The following ADGRG1 variants were observed in gnomAD, a reference collection of about 807,000 sequenced individuals.
ADGRG1 encodes the protein 7-transmembrane protein with no EGF-like N-terminal domains-1.
In ADGRG1, 53 loss-of-function variants were observed where a neutral mutation model predicts 73.5. That is an observed-to-expected ratio of 0.72 (90% CI 0.58 to 0.91). The LOEUF is 0.91. Ranked by LOEUF, ADGRG1 falls within the 40% of genes least tolerant of loss-of-function variation. The pLI is 0.00. For missense variants in ADGRG1, 795 were observed against 871.8 expected (o/e 0.91, Z 1.11); for synonymous variants, 394 against 374.4 (o/e 1.05, Z -0.60).
chr16:57,654,299 C>T (rs538821875), intron 5 of ADGRG1, among the ~76,000 whole-genome samples, 166 bp downstream of exon 5: 5 of 152,164 alleles, frequency 3.3e-5, no homozygotes, highest in South Asian at 2.1e-4. Flanking sequence ...GTAGTTCAAC[C>T]GTGGGATTGA....
At chr16:57,635,126 C>A in intron 1 of ADGRG1, 3 of 985,186 alleles carry the variant, frequency 3.0e-6, no homozygotes, top group Non-Finnish European at 3.6e-6. Flanking sequence ...ATCTTCAGGA[C>A]CCCTTGCTCT....
At chr16:57,630,204 G>GC (rs2037384641) in intron 1 of ADGRG1, 1 of 393,098 alleles carries the variant, frequency 2.5e-6, no homozygotes, top group African/African-American at 2.2e-5. Context: ...GCCCCGGGCA[G>GC]CCTGTTGGCT....
chr16:57,622,985 T>C (rs776612315), upstream of ADGRG1: 142 of 985,310 alleles, frequency 1.4e-4, no homozygotes, highest in Middle Eastern at 1.5e-3. Flanking sequence ...CAAGGCCATT[T>C]CTTGTTGGCA....
At chr16:57,623,846 A>T (rs895523589), upstream of ADGRG1, 2 of 984,564 alleles carry the variant, frequency 2.0e-6, no homozygotes, top group African/African-American at 3.5e-5. Context: ...GATAGCAGGG[A>T]GGTGGCTGGG....
intron 1 of ADGRG1, chr16:57,640,767 C>T: frequency 2.3e-6 from 1 of 436,024 alleles, no homozygotes; most frequent in Middle Eastern, 1.1e-3. Context: ...GATCCAGGAC[C>T]TCGAGGAGGG....
chr16:57,634,409 C>T (rs555438129), intron 1 of ADGRG1: 16 of 985,324 alleles, frequency 1.6e-5, no homozygotes, highest in East Asian at 1.1e-4. Flanking sequence ...CATCTGGGCA[C>T]GGGCCAAACA....
chr16:57,655,350 A>G (rs1189926610), intron 5 of ADGRG1, 49 bp from the exon 6 acceptor site: 2 of 1,604,072 alleles, frequency 1.2e-6, no homozygotes, highest in South Asian at 1.1e-5. Context: ...GGTGGGGGGC[A>G]CGGATCTAGG....
upstream of ADGRG1, chr16:57,622,753 G>T: frequency 3.0e-6 from 3 of 985,164 alleles, no homozygotes; most frequent in Non-Finnish European, 2.4e-6. Context: ...CAGACATTCC[G>T]TCATGCTTAG....
At chr16:57,626,871 C>T (rs138854982), upstream of ADGRG1, 21 of 979,916 alleles carry the variant, frequency 2.1e-5, no homozygotes, top group African/African-American at 3.5e-4. Context: ...AACCCATCCT[C>T]CCCTAGATAA....
chr16:57,652,756 G>A lies in ADGRG1; in HGVS notation c.488-447G>A, dbSNP rs1264019466. ...CTCATCTGAGTCCCAGCTAATCCCT[G>A]GAGACACCTTAGTCGGCCGCCTTAG... On this transcript the variant is annotated intron_variant, in intron 3 of 13. Coordinates refer to ENST00000562631, the MANE Select transcript of ADGRG1 (RefSeq NM_201525.4). 10 of 1,043,290 alleles carry A rather than the reference G, an allele frequency of 9.6e-6. No homozygotes were observed. In the African/African-American group the frequency reaches 1.4e-4, roughly 14 times the overall value. The allele number at this position is 1,043,290 out of a possible 1,614,324, so 64.6% of individuals were successfully genotyped here.
chr16:57,654,573 C>A (rs1422898263), intron 5 of ADGRG1, among the ~76,000 whole-genome samples: 1 of 152,144 alleles, frequency 6.6e-6, no homozygotes, highest in Non-Finnish European at 1.5e-5. Context: ...TGCTACCACA[C>A]CTGGCTTTAA....
At chr16:57,653,458 G>C (rs2044653422) in intron 4 of ADGRG1, 123 bp downstream of exon 4, 1 of 1,516,026 alleles carries the variant, frequency 6.6e-7, no homozygotes. Flanking sequence ...ATGCTTCTTT[G>C]ATTTCTCTTT....
At chr16:57,622,807 G>A (rs1195187768), upstream of ADGRG1, 10 of 985,232 alleles carry the variant, frequency 1.0e-5, no homozygotes, top group South Asian at 4.7e-5. Flanking sequence ...CTCAGGCAGC[G>A]GGGCACCCAG....
intron 1 of ADGRG1, chr16:57,641,259 C>G: frequency 1.0e-6 from 1 of 981,432 alleles, no homozygotes; most frequent in Non-Finnish European, 1.2e-6. Flanking sequence ...ATGCCCCTAA[C>G]TCCTGCCACC....
intron 1 of ADGRG1, chr16:57,629,119 C>T: frequency 2.1e-6 from 2 of 957,932 alleles, no homozygotes; most frequent in Non-Finnish European, 2.5e-6. Context: ...TGCATCCGTG[C>T]ACGGGTGGCT....
chr16:57,646,791 C>T (rs62036131), intron 1 of ADGRG1: 42,531 of 834,630 alleles, frequency 0.051, 1,291 homozygotes, highest in Non-Finnish European at 0.057. Flanking sequence ...CAGTGAGACC[C>T]GTATCACAGG....
At chr16:57,655,089 G>A (rs992291854) in intron 5 of ADGRG1, 3 of 985,100 alleles carry the variant, frequency 3.0e-6, no homozygotes, top group Non-Finnish European at 2.4e-6. Flanking sequence ...CTGCCCACAT[G>A]GCCACCCCCA....
At chr16:57,631,085 G>A (rs538511357) in intron 1 of ADGRG1, 10 of 980,128 alleles carry the variant, frequency 1.0e-5, no homozygotes, top group Admixed American at 6.4e-5. Flanking sequence ...TGTGAGGTTG[G>A]CCAGGCAGTC....
rs2038106977 is a variant in ADGRG1 at position 57,632,103 on chromosome 16, C to T, written c.-36+3301C>T. Reference sequence around the variant, plus strand: ...TGCCTTGCACACGACACCCACTTTTCAGATGAGGACATTGAGGCAGGGGAG... The same window carrying T: ...TGCCTTGCACACGACACCCACTTTTTAGATGAGGACATTGAGGCAGGGGAG... On this transcript the variant is annotated intron_variant, in intron 1 of 13. Coordinates refer to ENST00000562631, the MANE Select transcript of ADGRG1 (RefSeq NM_201525.4). The T allele has an allele frequency of 1.2e-5, 12 of 985,366 alleles. No homozygotes were observed. In the South Asian group the frequency reaches 5.2e-4, roughly 42 times the overall value. 61.0% of individuals were successfully genotyped at this position (985,366 alleles called of 1,614,324 possible). A position where few individuals can be genotyped will look rare whatever the true frequency, so the allele number is the denominator to read the frequency against.
Sources: allele counts gnomAD v4.1 joint callset (sites outside exome capture counted in the v4.1 genomes callset), GRCh38; gene constraint gnomAD v4.1.1; transcripts MANE v1.5; gene names NCBI Gene and HGNC (gene_info 2026-07-23, HGNC 2026-07-21).